The following STAU2 variants were observed in gnomAD, a reference collection of about 807,000 sequenced individuals.
STAU2 encodes double-stranded RNA-binding protein Staufen homolog 2.
A neutral mutation model predicts 65.9 loss-of-function variants in STAU2; 20 were observed. That is an observed-to-expected ratio of 0.30 (90% confidence interval 0.21 to 0.44). The LOEUF is 0.44. Ranked by LOEUF, STAU2 falls within the 20% of genes least tolerant of loss-of-function variation. STAU2 has a pLI of 1.00. For missense variants in STAU2, 558 were observed against 683.9 expected, an observed-to-expected ratio of 0.82 and a Z score of 2.05; for synonymous variants, 232 against 233.9, an observed-to-expected ratio of 0.99 and a Z score of 0.07.
intron 12 of STAU2, among the ~76,000 whole-genome samples, chr8:73,555,431 T>C (rs1411688132): frequency 6.6e-6 from 1 of 151,954 alleles, no homozygotes. Flanking sequence ...GTTTTGTAAG[T>C]TTTTTTAAAA....
chr8:73,493,058 T>C (rs1485833119), intron 13 of STAU2, among the ~76,000 whole-genome samples: 1 of 151,910 alleles, frequency 6.6e-6, no homozygotes, highest in Non-Finnish European at 1.5e-5. Flanking sequence ...GAAATCCATT[T>C]ATGTCAGAAT....
rs370614968 is a variant in STAU2, at chr8:73,467,466, A to G, written c.1531-44764T>C. ...AGAATGGCGTGAACCCGGGAGGAGG[A>G]GCTTGCAGTGAGCCGAGATCGCGCC... On this transcript the variant is annotated intron_variant, in intron 13 of 14. Transcript: ENST00000524300. Among the ~76,000 whole-genome samples, 15 of 152,264 alleles carry G rather than the reference A, an allele frequency of 9.9e-5. No homozygotes were observed. In the South Asian group the frequency reaches 3.1e-3, roughly 32 times the overall value.
intron 13 of STAU2, among the ~76,000 whole-genome samples, chr8:73,523,153 G>GCC (rs1823134234): frequency 7.6e-6 from 1 of 130,904 alleles, no homozygotes; most frequent in Non-Finnish European, 1.5e-5. Flanking sequence ...CCGAAATCAC[G>GCC]CCACTGCACT....
chr8:73,609,584 G>A (rs971261928), intron 9 of STAU2, among the ~76,000 whole-genome samples: 1 of 152,190 alleles, frequency 6.6e-6, no homozygotes, highest in Admixed American at 6.5e-5. Flanking sequence ...AACCCAGGAG[G>A]TGGAGGTTGC....
intron 3 of STAU2, among the ~76,000 whole-genome samples, chr8:73,730,763 A>C (rs1414603485): frequency 6.6e-6 from 1 of 151,402 alleles, no homozygotes; most frequent in Admixed American, 6.6e-5. Context: ...AAAAAAAAAG[A>C]ATACATATTT....
chr8:73,562,316 T>C (rs1808289343), intron 12 of STAU2, among the ~76,000 whole-genome samples: 1 of 152,116 alleles, frequency 6.6e-6, no homozygotes. Context: ...CAAGGTGCTG[T>C]CTCCATAAAA....
At chr8:73,743,494 C>T (rs1355464285) in intron 1 of STAU2, among the ~76,000 whole-genome samples, 2 of 117,590 alleles carry the variant, frequency 1.7e-5, no homozygotes, top group Admixed American at 1.1e-4. Context: ...TTTTTTGAGA[C>T]GGAGTTCCAC....
At chr8:73,577,707 T>C (rs1383272795) in intron 12 of STAU2, among the ~76,000 whole-genome samples, 2 of 152,154 alleles carry the variant, frequency 1.3e-5, no homozygotes, top group Non-Finnish European at 2.9e-5. Context: ...ATCAGCAGCA[T>C]GTGACAGTCT....
At chr8:73,744,113 AT>A (rs781190995) in intron 1 of STAU2, among the ~76,000 whole-genome samples, 27 of 152,222 alleles carry the variant, frequency 1.8e-4, no homozygotes, top group Non-Finnish European at 3.1e-4. Flanking sequence ...AAAATAAAAG[AT>A]TTGCCTTCTT....
chr8:73,642,084 A>G (rs1318263629), intron 6 of STAU2, among the ~76,000 whole-genome samples: 1 of 152,210 alleles, frequency 6.6e-6, no homozygotes, highest in Non-Finnish European at 1.5e-5. Flanking sequence ...ACTTAGGAGA[A>G]TGCTTGGATC....
At chr8:73,664,556 G>A (rs993197406) in intron 6 of STAU2, among the ~76,000 whole-genome samples, 1 of 152,080 alleles carries the variant, frequency 6.6e-6, no homozygotes, top group Non-Finnish European at 1.5e-5. Context: ...TACTGATATG[G>A]TTGTTCTCCT....
intron 6 of STAU2, chr8:73,670,566 G>A (rs1182116599): frequency 6.6e-6 from 1 of 152,118 alleles, no homozygotes; most frequent in Non-Finnish European, 1.5e-5. Flanking sequence ...GAAAAGGGAA[G>A]GGCAGAAGTC....
chr8:73,453,076 G>A (rs967950477), intron 13 of STAU2, among the ~76,000 whole-genome samples: 3 of 152,166 alleles, frequency 2.0e-5, no homozygotes, highest in Non-Finnish European at 4.4e-5. Flanking sequence ...CTCTGACTCG[G>A]TGTCTTCAAG....
intron 6 of STAU2, among the ~76,000 whole-genome samples, chr8:73,624,024 A>G (rs542586269): frequency 1.4e-4 from 21 of 152,310 alleles, no homozygotes; most frequent in African/African-American, 4.3e-4. Context: ...GAGGAAATAT[A>G]GAAAGATATG....
chr8:73,568,343 C>A (rs1406864621), intron 12 of STAU2, among the ~76,000 whole-genome samples: 1 of 152,162 alleles, frequency 6.6e-6, no homozygotes, highest in Admixed American at 6.6e-5. Context: ...GTGGCTCATG[C>A]CTATAATCCT....
At chr8:73,727,678 T>C (rs923608598) in intron 3 of STAU2, 1 of 152,238 alleles carries the variant, frequency 6.6e-6, no homozygotes, top group African/African-American at 2.4e-5. Context: ...TATGAACATG[T>C]GTGGTCATAT....
intron 13 of STAU2, among the ~76,000 whole-genome samples, chr8:73,547,524 C>G (rs1807016301): frequency 6.6e-6 from 1 of 152,150 alleles, no homozygotes; most frequent in Non-Finnish European, 1.5e-5. Context: ...GGGCTGCCCA[C>G]TGGAATAACA....
chr8:73,621,503 T>C lies in STAU2; in HGVS notation c.411-4052A>G, dbSNP rs558235094. ...TGATGTACATATTTTTACAAATTAG[T>C]ATATTTACCTAAGCAGACATAGCTA... is the stretch of plus-strand genomic sequence containing the variant. On this transcript the variant is annotated intron_variant, in intron 6 of 14. Transcript: ENST00000524300. Among the ~76,000 whole-genome samples, 7 of 152,344 alleles carry C rather than the reference T, an allele frequency of 4.6e-5. No individual in the cohort carries two copies. The South Asian group carries it at 1.2e-3, about 27-fold the overall frequency.
intron 3 of STAU2, among the ~76,000 whole-genome samples, chr8:73,714,970 A>T (rs78063631): frequency 2.0e-5 from 3 of 151,526 alleles, no homozygotes; most frequent in African/African-American, 4.9e-5. Context: ...AATCCCAGCT[A>T]CTCAGGAGGC....
Sources: gnomAD v4.1 joint callset for allele counts (sites outside exome capture counted in the v4.1 genomes callset) on GRCh38, gnomAD v4.1.1 for gene constraint, MANE v1.5 for transcripts, NCBI Gene and HGNC (gene_info 2026-07-23, HGNC 2026-07-21) for gene names.